The following NAALADL2 variants were observed in gnomAD, a reference collection of about 807,000 sequenced individuals.
NAALADL2 encodes N-acetylated alpha-linked acidic dipeptidase like 2.
NAALADL2 carries 76 observed loss-of-function variants against 87.2 expected under a neutral mutation model. The ratio of observed to expected loss-of-function variants is 0.87; its 90% CI spans 0.72 to 1.05. The LOEUF is 1.05. NAALADL2 is among the 50% of genes least tolerant of loss of function. The pLI, the probability that NAALADL2 is intolerant of heterozygous loss-of-function variation, is 0.00. For synonymous variants in NAALADL2, 354 were observed against 331.0 expected, an observed-to-expected ratio of 1.07 and a Z score of -0.75; for missense variants, 1,089 against 945.8, an observed-to-expected ratio of 1.15 and a Z score of -1.99.
intron 3 of NAALADL2, among the ~76,000 whole-genome samples, chr3:174,776,811 A>G (rs754964804): frequency 1.3e-5 from 2 of 152,164 alleles, no homozygotes; most frequent in African/African-American, 4.8e-5. Context: ...GAATAACTTC[A>G]TTGCTCACCA....
chr3:175,014,969 C>A (rs9864828), intron 1 of NAALADL2, among the ~76,000 whole-genome samples: 35,176 of 151,846 alleles, frequency 0.23, 7,972 homozygotes, highest in African/African-American at 0.59. Context: ...TAAAAGACTA[C>A]TTTTTATGGC....
chr3:175,021,330 T>C (rs1197602322), intron 1 of NAALADL2, among the ~76,000 whole-genome samples: 1 of 152,074 alleles, frequency 6.6e-6, no homozygotes, highest in African/African-American at 2.4e-5. Flanking sequence ...TATAGTACTA[T>C]ACAAAGTATA....
At chr3:174,976,419 T>A (rs553368380) in intron 1 of NAALADL2, among the ~76,000 whole-genome samples, 16 of 152,348 alleles carry the variant, frequency 1.1e-4, no homozygotes, top group African/African-American at 3.8e-4. Context: ...ATGTGTCTTC[T>A]TGTATGTATT....
At chr3:174,612,499 T>C (rs1412709409) in intron 2 of NAALADL2, among the ~76,000 whole-genome samples, 4 of 152,098 alleles carry the variant, frequency 2.6e-5, no homozygotes, top group Admixed American at 6.6e-5. Context: ...TCTTTTGTCT[T>C]CTCTGTGTAT....
chr3:174,657,453 G>A lies in NAALADL2; in HGVS notation c.-114-80188G>A, dbSNP rs117916841. On this transcript the variant is annotated intron_variant, in intron 2 of 3. Transcript: ENST00000434257. ...ACTACAGGCATGAGCGACCCTGCCC[G>A]GCCACAAAAAAATTTTTAAGACATC... 3.2e-4 allele frequency among the ~76,000 whole-genome samples: 48 copies of A among 151,918 alleles called. No individual in the cohort carries two copies. The East Asian group carries it at 7.0e-3, about 22-fold the overall frequency.
At chr3:174,720,022 G>A (rs983633688) in intron 2 of NAALADL2, among the ~76,000 whole-genome samples, 2 of 151,812 alleles carry the variant, frequency 1.3e-5, no homozygotes, top group African/African-American at 2.4e-5. Context: ...GGATGGTCTC[G>A]CTCTCTTGAC....
intron 2 of NAALADL2, among the ~76,000 whole-genome samples, chr3:174,611,609 T>C (rs925927035): frequency 1.3e-5 from 2 of 152,192 alleles, no homozygotes; most frequent in African/African-American, 4.8e-5. Context: ...TTTTCTTTTT[T>C]GAGACGGAGT....
intron 13 of NAALADL2, among the ~76,000 whole-genome samples, chr3:175,755,750 G>T (rs542001052): frequency 2.0e-5 from 3 of 150,464 alleles, no homozygotes; most frequent in South Asian, 4.1e-4. Flanking sequence ...CAGATCAGGG[G>T]ATAGACCCAT....
In NAALADL2 at chr3:174,874,975, G is replaced by A. The variant is rs147800839; in HGVS notation, c.43+15525G>A. 1.6e-3 allele frequency among the ~76,000 whole-genome samples: 239 copies of A among 151,736 alleles called. 1 individual carries two copies. The highest frequency in any genetic ancestry group is 5.3e-3 in the African/African-American group (221 of 41,396). On this transcript the variant is annotated intron_variant, in intron 1 of 13. Transcript: ENST00000454872. Reference sequence around the variant, plus strand: ...ACAAAAACAAAAAAATTAGCTGGACGTGGTGGCATGCACCCATAGTCCCAG... The same window carrying A: ...ACAAAAACAAAAAAATTAGCTGGACATGGTGGCATGCACCCATAGTCCCAG...
intron 2 of NAALADL2, among the ~76,000 whole-genome samples, chr3:174,556,254 C>T (rs2108501733): frequency 6.6e-6 from 1 of 152,176 alleles, no homozygotes; most frequent in South Asian, 2.1e-4. Flanking sequence ...TGATTTGCCA[C>T]CTAAATGAGT....
At chr3:174,988,306 A>G (rs540683386) in intron 1 of NAALADL2, among the ~76,000 whole-genome samples, 1 of 152,302 alleles carries the variant, frequency 6.6e-6, no homozygotes, top group Admixed American at 6.5e-5. Flanking sequence ...TACTTCATAT[A>G]CAGTAGAAGC....
At chr3:175,441,276 G>T (rs1719705980) in intron 5 of NAALADL2, among the ~76,000 whole-genome samples, 1 of 152,088 alleles carries the variant, frequency 6.6e-6, no homozygotes, top group African/African-American at 2.4e-5. Context: ...TGAATTAAAT[G>T]ATATGTAGGC....
intron 3 of NAALADL2, among the ~76,000 whole-genome samples, chr3:174,744,846 T>A (rs1320285359): frequency 6.6e-6 from 1 of 152,120 alleles, no homozygotes; most frequent in Non-Finnish European, 1.5e-5. Flanking sequence ...CCTGAATGAC[T>A]CCTAAGTAAA....
At chr3:174,755,509 C>T (rs1711925369) in intron 3 of NAALADL2, among the ~76,000 whole-genome samples, 1 of 152,060 alleles carries the variant, frequency 6.6e-6, no homozygotes, top group Admixed American at 6.6e-5. Flanking sequence ...AATAAATATA[C>T]TCTTTAATAA....
intron 5 of NAALADL2, among the ~76,000 whole-genome samples, chr3:175,351,951 G>A (rs990601243): frequency 6.6e-6 from 1 of 152,150 alleles, no homozygotes; most frequent in Admixed American, 6.6e-5. Flanking sequence ...AGCAAGTTGT[G>A]TGATGCACAC....
intron 1 of NAALADL2, among the ~76,000 whole-genome samples, chr3:175,067,422 A>G (rs1372964509): frequency 2.6e-5 from 4 of 152,086 alleles, no homozygotes; most frequent in African/African-American, 4.8e-5. Flanking sequence ...CAGACATTAA[A>G]AGGTGGGCAA....
At chr3:174,488,827 C>T (rs1264567070) in intron 1 of NAALADL2, among the ~76,000 whole-genome samples, 2 of 151,436 alleles carry the variant, frequency 1.3e-5, no homozygotes, top group Admixed American at 6.6e-5. Flanking sequence ...GCCACAGACA[C>T]CCCCCCTAAC....
chr3:175,131,455 G>A (rs1480130809), intron 2 of NAALADL2, among the ~76,000 whole-genome samples: 1 of 152,126 alleles, frequency 6.6e-6, no homozygotes, highest in Non-Finnish European at 1.5e-5. Context: ...GTTTCAGAGA[G>A]CACGGGGTTG....
intron 2 of NAALADL2, among the ~76,000 whole-genome samples, chr3:174,735,200 C>T (rs937633740): frequency 6.6e-6 from 1 of 152,032 alleles, no homozygotes; most frequent in African/African-American, 2.4e-5. Flanking sequence ...TGTAGAATAA[C>T]CAATCTTGGT....
Sources: allele counts gnomAD v4.1 joint callset (sites outside exome capture counted in the v4.1 genomes callset), GRCh38; gene constraint gnomAD v4.1.1; transcripts MANE v1.5; gene names NCBI Gene and HGNC (gene_info 2026-07-23, HGNC 2026-07-21).